NR3C1: variants seen among roughly 807,000 people sequenced by gnomAD.
NR3C1 encodes glucocorticoid receptor.
A neutral mutation model predicts 74.0 loss-of-function variants in NR3C1; 14 were observed. The observed-to-expected ratio is 0.19, with a 90% CI of 0.12 to 0.30. The LOEUF (loss-of-function observed/expected upper bound fraction) is 0.30, where lower values mean the gene tolerates loss of function less well. NR3C1 is among the 10% of genes least tolerant of loss of function. The pLI is 1.00. For synonymous variants in NR3C1, 308 were observed against 332.5 expected (o/e 0.93, Z 0.80); for missense variants, 695 against 909.8 (o/e 0.76, Z 3.04).
Position 143,300,429 on chromosome 5 carries a change from T to G in NR3C1, c.1747+56A>C. ...CGATGATATAAAAGCCAAAGTGTTT[T>G]TGCTGAAGAAAACACAAAGGTTTAT... On this transcript the variant is annotated intron_variant, in intron 5 of 8. Coordinates refer to ENST00000394464, the MANE Select transcript of NR3C1 (RefSeq NM_000176.3). This position sits in a 1 kb window ranked among gnomAD's most constrained non-coding sequence, Gnocchi z 5.2. The G allele has an allele frequency of 6.2e-7, 1 of 1,610,826 alleles. No individual in the cohort carries two copies. The highest frequency in any genetic ancestry group is 8.5e-7 in the Non-Finnish European group (1 of 1,177,362).
At chr5:143,304,672 A>G (rs1445594370) in intron 4 of NR3C1, among the ~76,000 whole-genome samples, 1 of 152,164 alleles carries the variant, frequency 6.6e-6, no homozygotes, top group Non-Finnish European at 1.5e-5. Flanking sequence ...TACAGGCTAT[A>G]GTAACCGAAA....
chr5:143,435,426 A>G (rs1188390964), exon 1 of NR3C1: 3 of 985,366 alleles, frequency 3.0e-6, no homozygotes, highest in Admixed American at 6.1e-5. Flanking sequence ...AAATGTCTGC[A>G]TAGGCACAAG....
intron 2 of NR3C1, among the ~76,000 whole-genome samples, chr5:143,355,830 CT>C: frequency 6.6e-6 from 1 of 152,212 alleles, no homozygotes; most frequent in Non-Finnish European, 1.5e-5. Flanking sequence ...ACAGTTGTGC[CT>C]TTAATGTTTA....
At chr5:143,358,885 A>T (rs189406388) in intron 2 of NR3C1, among the ~76,000 whole-genome samples, 1 of 151,926 alleles carries the variant, frequency 6.6e-6, no homozygotes, top group East Asian at 1.9e-4. Flanking sequence ...CGTGAACAAG[A>T]GCAAAACTCC....
rs144703328 is a variant in NR3C1 at position 143,278,172 on chromosome 5, C to G, written c.*3717G>C. 6.6e-6 allele frequency: 1 copy of G among 151,816 alleles called. No individual in the cohort carries two copies. The allele number at this position is 151,816 out of a possible 1,614,324, so 9.4% of individuals were successfully genotyped here. ...ATTATTATTCAGCATGAATAAAAAACTACAACTTTTATTTTTAAACAGGAG... is the reference window on the plus strand; with the variant it reads ...ATTATTATTCAGCATGAATAAAAAAGTACAACTTTTATTTTTAAACAGGAG... On this transcript the variant is annotated 3_prime_UTR_variant, in exon 9 of 9. Coordinates refer to ENST00000394464, the MANE Select transcript of NR3C1 (RefSeq NM_000176.3).
chr5:143,337,152 G>T (rs1316542016), intron 2 of NR3C1, among the ~76,000 whole-genome samples: 3 of 152,028 alleles, frequency 2.0e-5, no homozygotes, highest in African/African-American at 7.2e-5. Context: ...ACAGATTTAG[G>T]CAAATTTGGA....
chr5:143,375,795 G>A (rs1835086727), intron 2 of NR3C1: 1 of 152,106 alleles, frequency 6.6e-6, no homozygotes, highest in Admixed American at 6.5e-5. Flanking sequence ...GATCAAAGAG[G>A]AACATAAGGG....
upstream of NR3C1, among the ~76,000 whole-genome samples, chr5:143,408,588 G>A (rs1841193753): frequency 6.6e-6 from 1 of 151,762 alleles, no homozygotes; most frequent in Admixed American, 6.6e-5. Flanking sequence ...CTCGGCCATG[G>A]GACCCAAGTC....
chr5:143,314,386 AAATAG>A (rs1328806507), intron 2 of NR3C1, among the ~76,000 whole-genome samples: 3 of 151,944 alleles, frequency 2.0e-5, no homozygotes. Context: ...AGTGTCTCCA[AAATAG>A]AATGGTGTGG....
rs1457377281 is a variant in NR3C1, at chr5:143,297,078, AAAAAAAAAAAAAAAAAAAG to A, written c.1893-1507_1893-1489del. On this transcript the variant is annotated intron_variant, in intron 6 of 8. Coordinates refer to ENST00000394464, the MANE Select transcript of NR3C1 (RefSeq NM_000176.3). The stretch of plus-strand genomic sequence containing the variant: ...GGTGACAGAGTAAGACTCGTCTCAA[AAAAAAAAAAAAAAAAAAAG>A]AAAAGAAAAAGGTGGAGGACTGCCC... Among the ~76,000 whole-genome samples the A allele has an allele frequency of 1.7e-3, 257 of 149,654 alleles. 4 individuals carry two copies. Among genetic ancestry groups the A allele is most frequent in the Non-Finnish European group, 9.8e-4 (66 of 67,398 alleles).
intron 3 of NR3C1, among the ~76,000 whole-genome samples, chr5:143,313,242 A>G (rs1008350984): frequency 1.3e-5 from 2 of 152,336 alleles, no homozygotes; most frequent in Non-Finnish European, 2.9e-5. Context: ...CTCTTCTAAT[A>G]AATTTGCTAT....
chr5:143,299,814 GC>G (rs967984885), intron 5 of NR3C1, among the ~76,000 whole-genome samples: 2 of 152,096 alleles, frequency 1.3e-5, no homozygotes, highest in Non-Finnish European at 2.9e-5. Context: ...CAAAACATTT[GC>G]CCTGCTATTC....
At chr5:143,432,047 A>G (rs1751857594) in intron 1 of NR3C1, among the ~76,000 whole-genome samples, 1 of 152,188 alleles carries the variant, frequency 6.6e-6, no homozygotes, top group African/African-American at 2.4e-5. Context: ...GAATATGTGT[A>G]CGACTATCAG....
At chr5:143,340,365 A>G (rs1352923612) in intron 2 of NR3C1, among the ~76,000 whole-genome samples, 1 of 151,944 alleles carries the variant, frequency 6.6e-6, no homozygotes, top group Non-Finnish European at 1.5e-5. Flanking sequence ...TTGTGTGTGT[A>G]TAGAAATTGA....
chr5:143,292,094 A>C (rs1232669609), intron 7 of NR3C1, among the ~76,000 whole-genome samples: 2 of 152,202 alleles, frequency 1.3e-5, no homozygotes, highest in Non-Finnish European at 2.9e-5. Flanking sequence ...TTTCATGCTA[A>C]TCTGGCTAGG....
intron 2 of NR3C1, among the ~76,000 whole-genome samples, chr5:143,396,306 G>A (rs536927996): frequency 6.6e-6 from 1 of 151,670 alleles, no homozygotes; most frequent in East Asian, 1.9e-4. Flanking sequence ...CTAAAAATAA[G>A]TGAAAATATA....
intron 5 of NR3C1, among the ~76,000 whole-genome samples, chr5:143,299,880 T>G (rs1353987564): frequency 6.6e-6 from 1 of 152,236 alleles, no homozygotes; most frequent in Non-Finnish European, 1.5e-5. Flanking sequence ...GTTACTTTCT[T>G]GCTCTCTCCC....
chr5:143,332,600 A>G, intron 2 of NR3C1: 1 of 1,212,422 alleles, frequency 8.2e-7, no homozygotes, highest in Non-Finnish European at 1.2e-6. Flanking sequence ...GCACCACTAG[A>G]AAGATGGCAG....
intron 2 of NR3C1, among the ~76,000 whole-genome samples, chr5:143,343,700 CTGTG>C (rs1828672978): frequency 1.3e-5 from 2 of 152,248 alleles, no homozygotes; most frequent in East Asian, 1.9e-4. Context: ...TATTGTTACT[CTGTG>C]TGTATTTATG....
Sources: gnomAD v4.1 joint callset for allele counts (sites outside exome capture counted in the v4.1 genomes callset) on GRCh38, gnomAD v4.1.1 for gene constraint, Gnocchi (gnomAD v3.1) non-coding constraint, MANE v1.5 for transcripts, NCBI Gene and HGNC (gene_info 2026-07-23, HGNC 2026-07-21) for gene names.